The following CERT1 variants were observed in gnomAD, a reference collection of about 807,000 sequenced individuals.
CERT1 encodes the protein ceramide transfer protein.
A neutral mutation model predicts 87.9 loss-of-function variants in CERT1; 31 were observed. The observed-to-expected ratio is 0.35, with a 90% CI of 0.27 to 0.48. CERT1 has a LOEUF of 0.48. Ranked by LOEUF, CERT1 falls within the 20% of genes least tolerant of loss-of-function variation. CERT1 has a pLI of 0.99. For synonymous variants in CERT1, 289 were observed against 250.9 expected (o/e 1.15, Z -1.44); for missense variants, 487 against 758.0 (o/e 0.64, Z 4.20).
At chr5:75,487,780 C>T (rs1056189657) in intron 2 of CERT1, among the ~76,000 whole-genome samples, 1 of 151,990 alleles carries the variant, frequency 6.6e-6, no homozygotes, top group African/African-American at 2.4e-5. Flanking sequence ...GATATTATCT[C>T]ATCCCATTTA....
chr5:75,460,498 T>A (rs1448013229), intron 2 of CERT1, among the ~76,000 whole-genome samples: 3 of 152,184 alleles, frequency 2.0e-5, no homozygotes, highest in Non-Finnish European at 4.4e-5. Flanking sequence ...AAAATGAATG[T>A]TTTACATCCT....
intron 14 of CERT1, 45 bp downstream of exon 14, chr5:75,384,597 T>A: frequency 7.4e-7 from 1 of 1,359,808 alleles, no homozygotes; most frequent in Non-Finnish European, 1.0e-6. Flanking sequence ...TGTCTGAGTT[T>A]GAACTACATT....
chr5:75,413,009 C>CATAA (rs1192745726), intron 7 of CERT1, among the ~76,000 whole-genome samples: 2 of 152,130 alleles, frequency 1.3e-5, no homozygotes, highest in African/African-American at 4.8e-5. Context: ...TATCTTAAAA[C>CATAA]ATAAACATTG....
At position 75,379,409 on chromosome 5, in the gene CERT1, T is replaced by C. The variant is rs1761463416; in HGVS notation, c.1812A>G (p.Lys604=). The change falls in exon 17 of 17, where the codon AAA becomes AAG. Residue 604 remains lysine, a synonymous_variant. Coordinates refer to ENST00000643780, the MANE Select transcript of CERT1 (RefSeq NM_001379029.1). ...LRAVAKREYP[K]FLKRFTSYVQ... ...CGTAAGAAGTAAAACGTTTTAGAAA[T>C]TTAGGATACTCTCGCTTTGCCACTG... 1 of 1,613,812 alleles carries C rather than the reference T, an allele frequency of 6.2e-7. No individual in the cohort carries two copies. The highest frequency in any genetic ancestry group is 8.5e-7 in the Non-Finnish European group (1 of 1,179,858).
intron 3 of CERT1, among the ~76,000 whole-genome samples, chr5:75,442,934 G>C (rs184739421): frequency 2.0e-5 from 3 of 152,024 alleles, no homozygotes; most frequent in African/African-American, 4.8e-5. Flanking sequence ...AAACTTTATC[G>C]TAAGTATGTA....
intron 3 of CERT1, among the ~76,000 whole-genome samples, chr5:75,446,337 T>C (rs1480533556): frequency 6.6e-6 from 1 of 152,192 alleles, no homozygotes; most frequent in Non-Finnish European, 1.5e-5. Flanking sequence ...CCATAATTTC[T>C]TTTTGATTTC....
chr5:75,396,557 T>C (rs936459895), intron 11 of CERT1, among the ~76,000 whole-genome samples: 4 of 151,446 alleles, frequency 2.6e-5, no homozygotes, highest in Non-Finnish European at 4.4e-5. Context: ...TGAAACCCCA[T>C]CTCTACTAAA....
Position 75,379,417 on chromosome 5 carries a change from A to G in CERT1, c.1804T>C (p.Tyr602His), listed in dbSNP as rs772106628. The G allele has an allele frequency of 6.2e-7, 1 of 1,613,860 alleles. No homozygotes were observed. The change falls in exon 17 of 17, where the codon TAT (tyrosine) becomes CAT (histidine). Residue 602 changes from tyrosine (Y) to histidine (H), a missense_variant. By Grantham distance (83) the Tyr-to-His change is moderately conservative. This residue lies in a region of CERT1 where 33 missense variants were observed against 64.4 expected (regional missense o/e 0.51). Transcript: ENST00000643780. ...GTAAAACGTTTTAGAAATTTAGGATACTCTCGCTTTGCCACTGCCCTTAAC... is the reference window on the plus strand; with the variant it reads ...GTAAAACGTTTTAGAAATTTAGGATGCTCTCGCTTTGCCACTGCCCTTAAC... ...SVLRAVAKRE[Y>H]PKFLKRFTSY...
At chr5:75,447,387 C>T (rs527697079) in intron 3 of CERT1, among the ~76,000 whole-genome samples, 2 of 151,926 alleles carry the variant, frequency 1.3e-5, no homozygotes, top group South Asian at 2.1e-4. Context: ...AAAAATATAC[C>T]GTTGTCTGGG....
At chr5:75,500,561 A>C (rs1767304963) in intron 2 of CERT1, among the ~76,000 whole-genome samples, 1 of 152,234 alleles carries the variant, frequency 6.6e-6, no homozygotes, top group Admixed American at 6.5e-5. Context: ...TTCTCAAAGC[A>C]TAAATCTTAG....
intron 2 of CERT1, among the ~76,000 whole-genome samples, chr5:75,475,676 T>C (rs1175270932): frequency 6.6e-6 from 1 of 151,950 alleles, no homozygotes; most frequent in African/African-American, 2.4e-5. Context: ...GTTTTCCTGC[T>C]TGGGGGCTTA....
chr5:75,386,507 C>T (rs534884915), intron 12 of CERT1, among the ~76,000 whole-genome samples: 34 of 152,236 alleles, frequency 2.2e-4, no homozygotes, highest in Non-Finnish European at 4.0e-4. Context: ...ATGGCAAAAA[C>T]GTAAATACAG....
At chr5:75,394,852 T>C (rs116784369) in intron 11 of CERT1, among the ~76,000 whole-genome samples, 2,225 of 152,332 alleles carry the variant, frequency 0.015, 49 homozygotes, top group African/African-American at 0.049. Flanking sequence ...AAGATGCATA[T>C]ACAAGGATTT....
At position 75,511,483 on chromosome 5, in the gene CERT1, C is replaced by A; in HGVS notation, c.-276G>T. On this transcript the variant is annotated 5_prime_UTR_variant, in exon 1 of 17. Coordinates refer to ENST00000643780, the MANE Select transcript of CERT1 (RefSeq NM_001379029.1). ...GCCGTGACCCCTGCGTTGCGCCCGG[C>A]GCTGCCACCCGAACTTAGCCCCCTC... is the stretch of plus-strand genomic sequence containing the variant. The A allele has an allele frequency of 6.7e-7, 1 of 1,502,358 alleles. No individual in the cohort carries two copies. The highest frequency in any genetic ancestry group is 2.5e-5 in the East Asian group (1 of 40,326). 93.1% of individuals were successfully genotyped at this position (1,502,358 alleles called of 1,614,324 possible). A position where few individuals can be genotyped will look rare whatever the true frequency, so the allele number is the denominator to read the frequency against.
intron 1 of CERT1, among the ~76,000 whole-genome samples, chr5:75,508,610 T>C (rs371865008): frequency 2.0e-5 from 3 of 152,084 alleles, no homozygotes; most frequent in Admixed American, 1.3e-4. Context: ...GATAAGGCAA[T>C]ATGCTAGACA....
rs908661098 is a variant in CERT1 at position 75,379,093 on chromosome 5, G to A, written c.*253C>T. On this transcript the variant is annotated 3_prime_UTR_variant, in exon 17 of 17. Coordinates refer to ENST00000643780, the MANE Select transcript of CERT1 (RefSeq NM_001379029.1). ...AGCTACTGGGAAGGCTGAGATGAGA[G>A]GATTGTTTGAGGCCAGAGGTTGAGG... is the stretch of plus-strand genomic sequence containing the variant. The A allele has an allele frequency of 3.4e-5, 12 of 348,908 alleles. No homozygotes were observed. The highest frequency in any genetic ancestry group is 2.3e-4 in the African/African-American group (11 of 47,662). The allele number at this position is 348,908 out of a possible 1,614,324, so 21.6% of individuals were successfully genotyped here. A position where few individuals can be genotyped will look rare whatever the true frequency, so the allele number is the denominator to read the frequency against.
chr5:75,449,395 T>A (rs1303809778), intron 3 of CERT1, among the ~76,000 whole-genome samples: 1 of 152,216 alleles, frequency 6.6e-6, no homozygotes, highest in Admixed American at 6.5e-5. Flanking sequence ...AGTATACAAT[T>A]CCAACTTGCC....
chr5:75,423,894 A>G (rs1033672366), intron 5 of CERT1, among the ~76,000 whole-genome samples: 10 of 152,306 alleles, frequency 6.6e-5, no homozygotes, highest in Admixed American at 5.2e-4. Context: ...TCATCCAAAG[A>G]AGGCAGAAAA....
At chr5:75,477,197 G>T (rs1580825788) in intron 2 of CERT1, among the ~76,000 whole-genome samples, 1 of 152,160 alleles carries the variant, frequency 6.6e-6, no homozygotes, top group East Asian at 1.9e-4. Context: ...TTCTTCTGAA[G>T]TCTGTATTCT....
Sources: allele counts gnomAD v4.1 joint callset (sites outside exome capture counted in the v4.1 genomes callset), GRCh38; gene constraint gnomAD v4.1.1; regional missense constraint gnomAD v4.1.1; transcripts MANE v1.5; gene names NCBI Gene and HGNC (gene_info 2026-07-23, HGNC 2026-07-21).